Variants in LRP4 observed in about 807,000 individuals in gnomAD.
LRP4 encodes LDL receptor related protein 4.
Under a neutral mutation model 220.3 loss-of-function variants are expected in LRP4, and 95 were observed. The ratio of observed to expected loss-of-function variants is 0.43; its 90% CI spans 0.37 to 0.51. The LOEUF (loss-of-function observed/expected upper bound fraction) is 0.51. Among genes scored for constraint, LRP4 ranks in the 20% least tolerant of loss-of-function variants. The pLI is 0.00. For missense variants in LRP4, 1,925 were observed against 2,567.0 expected (o/e 0.75, Z 5.40); for synonymous variants, 903 against 954.6 (o/e 0.95, Z 1.00).
intron 16 of LRP4, 68 bp downstream of exon 16, chr11:46,889,343 T>C: frequency 6.2e-7 from 1 of 1,601,900 alleles, no homozygotes. Context: ...CTCCACGTCC[T>C]ATCCCTTGTT....
chr11:46,870,068 T>C (rs532154825), intron 31 of LRP4, among the ~76,000 whole-genome samples: 49 of 147,996 alleles, frequency 3.3e-4, no homozygotes, highest in Non-Finnish European at 6.8e-4. Context: ...ATCGCACCAC[T>C]GCACTCCAGC....
At chr11:46,872,409 CCCTG>C (rs775634554) in intron 30 of LRP4, among the ~76,000 whole-genome samples, 5 of 152,134 alleles carry the variant, frequency 3.3e-5, no homozygotes. Context: ...AGCCCCTTCC[CCCTG>C]CCCTTAGCAT....
chr11:46,859,883 CTT>C (rs1940494670), intron 37 of LRP4, among the ~76,000 whole-genome samples: 1 of 152,116 alleles, frequency 6.6e-6, no homozygotes, highest in Non-Finnish European at 1.5e-5. Flanking sequence ...GTTTGTATCT[CTT>C]TTTTCTAATT....
chr11:46,910,553 C>G (rs1476761553), intron 1 of LRP4, among the ~76,000 whole-genome samples: 5 of 152,164 alleles, frequency 3.3e-5, no homozygotes, highest in South Asian at 2.1e-4. Context: ...TTTGAAAACC[C>G]TACTGTGTAC....
Position 46,910,270 on chromosome 11 carries a change from T to G in LRP4, c.53-7341A>C, listed in dbSNP as rs542048046. 2.6e-5 allele frequency among the ~76,000 whole-genome samples: 4 copies of G among 152,314 alleles called. No individual in the cohort carries two copies. In the South Asian group the frequency reaches 6.2e-4, roughly 24 times the overall value. ...GGATAAAAATCCTGACTCTGCTAAG[T>G]TCCTAGCTGTCTGACCCTGGGCAGC... On this transcript the variant is annotated intron_variant, in intron 1 of 37. Transcript: ENST00000378623.
intron 7 of LRP4, among the ~76,000 whole-genome samples, chr11:46,898,295 C>T (rs1941586890): frequency 6.6e-6 from 1 of 152,230 alleles, no homozygotes; most frequent in African/African-American, 2.4e-5. Flanking sequence ...AAGCGATTCT[C>T]CTGCCTCAGC....
At position 46,899,544 on chromosome 11, in the gene LRP4, A is replaced by T; in HGVS notation, c.431-41T>A. 1.5e-6 allele frequency: 2 copies of T among 1,378,016 alleles called. No homozygotes were observed. Among genetic ancestry groups the T allele is most frequent in the Non-Finnish European group, 2.1e-6 (2 of 970,228 alleles). The allele number at this position is 1,378,016 out of a possible 1,614,324, so 85.4% of individuals were successfully genotyped here. A position where few individuals can be genotyped will look rare whatever the true frequency, so the allele number is the denominator to read the frequency against. On this transcript the variant is annotated intron_variant, in intron 4 of 37. Coordinates refer to ENST00000378623, the MANE Select transcript of LRP4 (RefSeq NM_002334.4). This position sits in a 1 kb window ranked among gnomAD's most constrained non-coding sequence, Gnocchi z 5.9. ...GGGACAGCAGTTCTGAGGGGGCCCCACAGGCAACCCTCTCACCCTCCTCTC... is the reference window on the plus strand; with the variant it reads ...GGGACAGCAGTTCTGAGGGGGCCCCTCAGGCAACCCTCTCACCCTCCTCTC...
chr11:46,866,231 CCTT>C (rs1241726800), intron 34 of LRP4, among the ~76,000 whole-genome samples: 1 of 150,554 alleles, frequency 6.6e-6, no homozygotes, highest in Non-Finnish European at 1.5e-5. Flanking sequence ...TAGGATATTC[CCTT>C]CTTCTTTATT....
intron 22 of LRP4, among the ~76,000 whole-genome samples, 175 bp downstream of exon 22, chr11:46,878,732 G>A (rs1418034811): frequency 6.6e-6 from 1 of 152,080 alleles, no homozygotes; most frequent in Non-Finnish European, 1.5e-5. Context: ...GCTCCCCAGG[G>A]CCTCTCCCCA....
At chr11:46,893,183 C>A in intron 12 of LRP4, 54 bp from the exon 13 acceptor site, 1 of 1,608,046 alleles carries the variant, frequency 6.2e-7, no homozygotes, top group South Asian at 1.1e-5. Context: ...GCCCCCATGT[C>A]CCATAGTAAT....
chr11:46,912,647 C>T (rs1400272428), intron 1 of LRP4, among the ~76,000 whole-genome samples: 1 of 152,210 alleles, frequency 6.6e-6, no homozygotes, highest in Non-Finnish European at 1.5e-5. Context: ...CTACCCCTCC[C>T]CACCTCCCCC....
rs1043749019 is a variant in LRP4, at chr11:46,906,016, G to A, written c.53-3087C>T. 2.3e-4 allele frequency among the ~76,000 whole-genome samples: 35 copies of A among 152,274 alleles called. No individual in the cohort carries two copies. The East Asian group carries it at 4.4e-3, about 19-fold the overall frequency. On this transcript the variant is annotated intron_variant, in intron 1 of 37. Transcript: ENST00000378623. ...GGATGAAAGCTGTGGAAAGGACAGA[G>A]AGGAAGTAGGGGGGAATAGGAGGAG...
At chr11:46,902,526 T>C (rs956617028) in intron 2 of LRP4, among the ~76,000 whole-genome samples, 2 of 152,212 alleles carry the variant, frequency 1.3e-5, no homozygotes, top group Admixed American at 1.3e-4. Context: ...AGAAACTCCC[T>C]GTTGTGTTCT....
intron 1 of LRP4, among the ~76,000 whole-genome samples, chr11:46,912,496 AC>A (rs1362783848): frequency 6.6e-6 from 1 of 152,066 alleles, no homozygotes; most frequent in Non-Finnish European, 1.5e-5. Flanking sequence ...AGGGTGGAAA[AC>A]CTGGGGCTCC....
At chr11:46,892,569 CTTT>C (rs11292441) in intron 13 of LRP4, among the ~76,000 whole-genome samples, 11 of 123,678 alleles carry the variant, frequency 8.9e-5, no homozygotes, top group Admixed American at 1.6e-4. Flanking sequence ...TAACATCATA[CTTT>C]TTTTTTTTTT....
At chr11:46,913,236 G>A (rs976668923) in intron 1 of LRP4, among the ~76,000 whole-genome samples, 5 of 152,178 alleles carry the variant, frequency 3.3e-5, no homozygotes. Context: ...AGGCGCCCAA[G>A]GGCACCTAGG....
chr11:46,918,200 GC>G lies in LRP4; in HGVS notation c.52+127del. 9.6e-7 allele frequency: 1 copy of G among 1,044,932 alleles called. No individual in the cohort carries two copies. Among genetic ancestry groups the G allele is most frequent in the Non-Finnish European group, 1.4e-6 (1 of 732,014 alleles). The allele number at this position is 1,044,932 out of a possible 1,614,324, so 64.7% of individuals were successfully genotyped here. A position where few individuals can be genotyped will look rare whatever the true frequency, so the allele number is the denominator to read the frequency against. On this transcript the variant is annotated intron_variant, in intron 1 of 37. Coordinates refer to ENST00000378623, the MANE Select transcript of LRP4 (RefSeq NM_002334.4). This position sits in a 1 kb window ranked among gnomAD's most constrained non-coding sequence, Gnocchi z 6.0. The stretch of plus-strand genomic sequence containing the variant: ...CTCCGGGTCCTCTCCCCTGCACGCA[GC>G]CCCAGGGCCACGGCTAGGAGCGAGG...
chr11:46,900,425 T>C lies in LRP4; in HGVS notation c.200-47A>G, dbSNP rs368088158. On this transcript the variant is annotated intron_variant, in intron 2 of 37. Transcript: ENST00000378623. The stretch of plus-strand genomic sequence containing the variant: ...GAAAAGTCAATCAACCTGGTATTCT[T>C]ACTCAGGCTCAACTAGGCCAGATAG... The C allele has an allele frequency of 4.6e-5, 55 of 1,204,292 alleles. No homozygotes were observed. The Middle Eastern group carries it at 3.6e-3, about 79-fold the overall frequency. 74.6% of individuals were successfully genotyped at this position (1,204,292 alleles called of 1,614,324 possible).
Position 46,858,990 on chromosome 11 carries a change from T to C in LRP4, c.5711A>G (p.Gln1904Arg). 6.2e-7 allele frequency: 1 copy of C among 1,613,822 alleles called. No individual in the cohort carries two copies. The highest frequency in any genetic ancestry group is 1.1e-5 in the South Asian group (1 of 91,074). Residue 1904 changes from glutamine (Q) to arginine (R), a missense_variant, in exon 38 of 38, where the codon CAG becomes CGG. By Grantham distance (43) the Gln-to-Arg change is conservative. Transcript: ENST00000378623. The stretch of plus-strand genomic sequence containing the variant: ...GGAAGAGAATGTGGGCATTTAGACC[T>C]GGCTCTCTGAGGAGAGCTTGCGTTC... ...KHERKLSSES[Q>R]V
Sources: allele counts gnomAD v4.1 joint callset (sites outside exome capture counted in the v4.1 genomes callset), GRCh38; gene constraint gnomAD v4.1.1; non-coding constraint Gnocchi (gnomAD v3.1); transcripts MANE v1.5; gene names NCBI Gene and HGNC (gene_info 2026-07-23, HGNC 2026-07-21).